The following NCOA2 variants were observed in gnomAD, a reference collection of about 807,000 sequenced individuals.
The protein encoded by NCOA2 is class E basic helix-loop-helix protein 75.
In NCOA2, 21 loss-of-function variants were observed where a neutral mutation model predicts 145.1. That is an observed-to-expected ratio of 0.14 (90% CI 0.10 to 0.21). The LOEUF (loss-of-function observed/expected upper bound fraction) is 0.21, where lower values mean the gene tolerates loss of function less well. NCOA2 is among the 10% of genes least tolerant of loss of function. NCOA2 has a pLI of 1.00. For missense variants in NCOA2, 1,472 were observed against 1,837.6 expected (o/e 0.80, Z 3.64); for synonymous variants, 619 against 637.5 (o/e 0.97, Z 0.44).
At chr8:70,319,441 C>T (rs979769504) in intron 1 of NCOA2, among the ~76,000 whole-genome samples, 13 of 151,910 alleles carry the variant, frequency 8.6e-5, no homozygotes, top group African/African-American at 3.1e-4. Context: ...ACTTGGGAGG[C>T]TGAGGTGGGA....
chr8:70,136,344 A>G (rs1809731340), intron 15 of NCOA2, among the ~76,000 whole-genome samples: 1 of 152,218 alleles, frequency 6.6e-6, no homozygotes, highest in African/African-American at 2.4e-5. Flanking sequence ...CCTGGGCAAC[A>G]AAGTGAGACT....
intron 1 of NCOA2, among the ~76,000 whole-genome samples, chr8:70,327,678 G>A (rs1384749564): frequency 1.3e-5 from 2 of 152,042 alleles, no homozygotes; most frequent in East Asian, 1.9e-4. Flanking sequence ...GAAAAAAACC[G>A]ACCTGGATTT....
chr8:70,383,550 G>T (rs1240811949), intron 1 of NCOA2, among the ~76,000 whole-genome samples: 1 of 152,148 alleles, frequency 6.6e-6, no homozygotes, highest in African/African-American at 2.4e-5. Flanking sequence ...TTGCTGCCCA[G>T]GCTGGAGTGC....
chr8:70,405,754 T>C (rs1010158475), upstream of NCOA2, among the ~76,000 whole-genome samples: 1 of 152,168 alleles, frequency 6.6e-6, no homozygotes, highest in Non-Finnish European at 1.5e-5. Flanking sequence ...CCAGAGTCTA[T>C]CAGTCCTCTG....
the NCOA2 span, among the ~76,000 whole-genome samples, chr8:70,448,770 G>A: frequency 6.7e-6 from 1 of 150,046 alleles, no homozygotes; most frequent in Non-Finnish European, 1.5e-5. Flanking sequence ...GACAAAATAA[G>A]GCAGAATTAT....
At chr8:70,276,364 C>T (rs185346166) in intron 2 of NCOA2, among the ~76,000 whole-genome samples, 10 of 152,096 alleles carry the variant, frequency 6.6e-5, no homozygotes, top group Admixed American at 2.6e-4. Flanking sequence ...CAAATTGAGG[C>T]GATTTAAGAA....
chr8:70,308,612 T>C (rs1205377346), intron 1 of NCOA2, among the ~76,000 whole-genome samples: 3 of 152,198 alleles, frequency 2.0e-5, no homozygotes, highest in African/African-American at 7.2e-5. Context: ...ATTTGTAGCA[T>C]GAACTCCCAA....
chr8:70,350,829 T>C (rs1000154667), intron 1 of NCOA2, among the ~76,000 whole-genome samples: 5 of 152,212 alleles, frequency 3.3e-5, no homozygotes, highest in African/African-American at 9.7e-5. Flanking sequence ...CTGTAAGTCC[T>C]CTACAAACGT....
chr8:70,266,296 G>A (rs1280021123), intron 2 of NCOA2, among the ~76,000 whole-genome samples: 2 of 152,182 alleles, frequency 1.3e-5, no homozygotes, highest in African/African-American at 2.4e-5. Flanking sequence ...CTGAGTAGGC[G>A]GGACTACAGG....
intron 4 of NCOA2, among the ~76,000 whole-genome samples, chr8:70,175,110 G>A (rs1814681799): frequency 6.6e-6 from 1 of 152,090 alleles, no homozygotes; most frequent in Non-Finnish European, 1.5e-5. Flanking sequence ...TGAATTTTGA[G>A]GTTTCATGAC....
chr8:70,144,325 T>A (rs2131898414), intron 13 of NCOA2, among the ~76,000 whole-genome samples: 1 of 152,334 alleles, frequency 6.6e-6, no homozygotes, highest in Middle Eastern at 3.4e-3. Context: ...TATCAGTAAA[T>A]TATCCCTGGA....
chr8:70,185,233 C>T (rs1030322483), intron 4 of NCOA2, among the ~76,000 whole-genome samples: 2 of 152,178 alleles, frequency 1.3e-5, no homozygotes, highest in African/African-American at 4.8e-5. Flanking sequence ...CTCATTCTAG[C>T]ATTTGCTTGA....
chr8:70,382,188 C>T (rs191085716), intron 1 of NCOA2, among the ~76,000 whole-genome samples: 1 of 151,924 alleles, frequency 6.6e-6, no homozygotes, highest in Admixed American at 6.5e-5. Flanking sequence ...AAATAAGCAC[C>T]AGTTAGGATC....
At chr8:70,355,169 C>G (rs1439592259) in intron 1 of NCOA2, among the ~76,000 whole-genome samples, 1 of 152,192 alleles carries the variant, frequency 6.6e-6, no homozygotes, top group Non-Finnish European at 1.5e-5. Flanking sequence ...ATGTGTGGCA[C>G]ATGGCCAGAT....
At chr8:70,410,175 A>C in the NCOA2 span, among the ~76,000 whole-genome samples, 2 of 152,192 alleles carry the variant, frequency 1.3e-5, no homozygotes, top group Non-Finnish European at 2.9e-5. Context: ...GTGCCAGTGC[A>C]CTACAGCCTG....
chr8:70,382,041 C>T (rs1812236323), intron 1 of NCOA2, among the ~76,000 whole-genome samples: 1 of 152,148 alleles, frequency 6.6e-6, no homozygotes, highest in Non-Finnish European at 1.5e-5. Context: ...ATTCTTTTCA[C>T]TTTCCACTAT....
At chr8:70,128,577 C>T (rs990408871) in intron 17 of NCOA2, 67 bp from the exon 18 acceptor site, 2 of 1,591,130 alleles carry the variant, frequency 1.3e-6, no homozygotes, top group African/African-American at 2.7e-5. Context: ...AATCAAGTTT[C>T]CCAAGTAACT....
chr8:70,419,209 C>G, the NCOA2 span, among the ~76,000 whole-genome samples: 4 of 151,166 alleles, frequency 2.6e-5, no homozygotes, highest in African/African-American at 9.7e-5. Flanking sequence ...CTAGGTTTTT[C>G]ATATGTTAAA....
At chr8:70,249,963 CAAAAAA>C (rs747018939) in intron 2 of NCOA2, among the ~76,000 whole-genome samples, 9 of 75,244 alleles carry the variant, frequency 1.2e-4, no homozygotes, top group African/African-American at 2.8e-4. Context: ...AATCTGCCTC[CAAAAAA>C]AAAAAAAAAA....
Sources: gnomAD v4.1 joint callset for allele counts (sites outside exome capture counted in the v4.1 genomes callset) on GRCh38, gnomAD v4.1.1 for gene constraint, MANE v1.5 for transcripts, NCBI Gene and HGNC (gene_info 2026-07-23, HGNC 2026-07-21) for gene names.